The following FAM184B variants were observed in gnomAD, a reference collection of about 807,000 sequenced individuals.
The protein encoded by FAM184B is protein FAM184B.
A neutral mutation model predicts 135.9 loss-of-function variants in FAM184B; 111 were observed. The observed-to-expected ratio is 0.82, with a 90% CI of 0.70 to 0.96. The LOEUF is 0.96. Ranked by LOEUF, FAM184B falls within the 40% of genes least tolerant of loss-of-function variation. The pLI is 0.00. For missense variants in FAM184B, 1,375 were observed against 1,323.9 expected (o/e 1.04, Z -0.60); for synonymous variants, 552 against 524.8 (o/e 1.05, Z -0.71).
At chr4:17,637,109 C>G (rs1715166941) in intron 14 of FAM184B, among the ~76,000 whole-genome samples, 1 of 152,110 alleles carries the variant, frequency 6.6e-6, no homozygotes, top group Admixed American at 6.5e-5. Context: ...TCTCTGCAAC[C>G]TCCGCCTCCC....
chr4:17,763,862 C>T (rs1718598459), intron 1 of FAM184B, among the ~76,000 whole-genome samples: 1 of 152,156 alleles, frequency 6.6e-6, no homozygotes, highest in African/African-American at 2.4e-5. Flanking sequence ...ACCACCCTGG[C>T]AGGAAAGTGA....
At chr4:17,779,982 T>C (rs1013696770) in intron 1 of FAM184B, among the ~76,000 whole-genome samples, 1 of 152,240 alleles carries the variant, frequency 6.6e-6, no homozygotes, top group Admixed American at 6.5e-5. Flanking sequence ...GTACCAGCTA[T>C]ACATGTCAAG....
chr4:17,658,495 T>G lies in FAM184B; in HGVS notation c.1892A>C (p.Lys631Thr), dbSNP rs554174772. 6.4e-7 allele frequency: 1 copy of G among 1,551,548 alleles called. No individual in the cohort carries two copies. Among genetic ancestry groups the G allele is most frequent in the East Asian group, 2.4e-5 (1 of 40,900 alleles). Residue 631 changes from lysine (K) to threonine (T), a missense_variant, in exon 10 of 18, where the codon AAG becomes ACG. By Grantham distance (78) the Lys-to-Thr change is moderately conservative (BLOSUM62 -1). Transcript: ENST00000265018. ...CTCCCTCTCCAGGTCCGAGAGCTGC[T>G]TGAGTGCCTGCAGGTCCTCCCTGTA... ...SNYREDLQAL[K>T]QLSDLEREKL...
At chr4:17,765,788 C>T (rs989927851) in intron 1 of FAM184B, among the ~76,000 whole-genome samples, 5 of 152,186 alleles carry the variant, frequency 3.3e-5, no homozygotes, top group African/African-American at 1.2e-4. Context: ...TGTTACAGTA[C>T]TTAAAGGTGG....
At chr4:17,779,952 G>T (rs1242899759) in intron 1 of FAM184B, among the ~76,000 whole-genome samples, 4 of 152,192 alleles carry the variant, frequency 2.6e-5, no homozygotes, top group African/African-American at 9.7e-5. Context: ...CTATTTACAT[G>T]AATGTAGGTT....
At chr4:17,638,285 C>T (rs571398062) in intron 14 of FAM184B, among the ~76,000 whole-genome samples, 4 of 151,648 alleles carry the variant, frequency 2.6e-5, no homozygotes, top group Non-Finnish European at 5.9e-5. Context: ...ACCTCCTGAG[C>T]TCAGACGATC....
rs3733582 is a variant in FAM184B, at chr4:17,693,605, T to C, written c.1378-193A>G. Among the ~76,000 whole-genome samples the C allele has an allele frequency of 2.5e-3, 384 of 152,188 alleles. 6 individuals are homozygous for C. In the East Asian group the frequency reaches 0.048, roughly 19 times the overall value. On this transcript the variant is annotated intron_variant, in intron 5 of 17. Coordinates refer to ENST00000265018, the MANE Select transcript of FAM184B (RefSeq NM_015688.2). ...TAACGTCACAACACAAAGCCTGATA[T>C]ATATAGGGGTGGGGCGGGGCAAATT...
At chr4:17,666,577 G>A (rs11935124) in intron 7 of FAM184B, among the ~76,000 whole-genome samples, 46,092 of 140,850 alleles carry the variant, frequency 0.33, 7,699 homozygotes, top group South Asian at 0.39. Flanking sequence ...GCCCACCTCC[G>A]CCTCCCAAAG....
intron 7 of FAM184B, among the ~76,000 whole-genome samples, chr4:17,687,628 A>C (rs560631486): frequency 6.6e-6 from 1 of 152,296 alleles, no homozygotes; most frequent in South Asian, 2.1e-4. Context: ...TGGTGTCTTT[A>C]TAAGAAGGCT....
intron 1 of FAM184B, among the ~76,000 whole-genome samples, chr4:17,725,660 A>G (rs1443010245): frequency 6.6e-6 from 1 of 152,178 alleles, no homozygotes; most frequent in African/African-American, 2.4e-5. Context: ...TAATGGTGAC[A>G]GTCTCCCTTT....
intron 1 of FAM184B, among the ~76,000 whole-genome samples, chr4:17,775,197 T>A (rs991340299): frequency 3.1e-4 from 47 of 152,006 alleles, no homozygotes; most frequent in Admixed American, 1.6e-3. Flanking sequence ...AATTTAATTT[T>A]ATTTTTGAAA....
chr4:17,709,200 C>A lies in FAM184B; in HGVS notation c.586G>T (p.Val196Phe). The change falls in exon 2 of 18, where the codon GTC (valine) becomes TTC (phenylalanine). Residue 196 changes from valine to phenylalanine, a missense_variant. Physicochemically the swap from Val to Phe is conservative, Grantham distance 50 (BLOSUM62 -1). Transcript: ENST00000265018. ...EPGQGPEMQEVLLEVQRLRVE... is the reference protein window; with the variant it reads ...EPGQGPEMQEFLLEVQRLRVE... The stretch of plus-strand genomic sequence containing the variant: ...CGCAGCCGCTGCACCTCTAGCAGGA[C>A]CTCCTGCATCTCCGGGCCCTGGCCT... The A allele has an allele frequency of 6.5e-7, 1 of 1,548,142 alleles. No individual in the cohort carries two copies. Among genetic ancestry groups the A allele is most frequent in the Non-Finnish European group, 8.7e-7 (1 of 1,146,390 alleles).
rs527531010 is a variant in FAM184B at position 17,746,732 on chromosome 4, A to C, written c.141+34427T>G. ...AGGCGACAGAGCGAGACACGGTCTC[A>C]AAAAAAAAAAAAAGTAGATTCCTGG... On this transcript the variant is annotated intron_variant, in intron 1 of 17. Coordinates refer to ENST00000265018, the MANE Select transcript of FAM184B (RefSeq NM_015688.2). Among the ~76,000 whole-genome samples the C allele has an allele frequency of 8.0e-3, 1,006 of 126,084 alleles. 14 individuals carry two copies. The highest frequency in any genetic ancestry group is 0.034 in the African/African-American group (910 of 26,884). 82.7% of individuals were successfully genotyped at this position (126,084 alleles called of 152,430 possible). A position where few individuals can be genotyped will look rare whatever the true frequency, so the allele number is the denominator to read the frequency against.
chr4:17,692,254 A>T lies in FAM184B; in HGVS notation c.1488+1048T>A, dbSNP rs529501792. 1.3e-4 allele frequency among the ~76,000 whole-genome samples: 20 copies of T among 152,118 alleles called. 1 individual carries two copies. The East Asian group carries it at 3.7e-3, about 28-fold the overall frequency. On this transcript the variant is annotated intron_variant, in intron 6 of 17. Transcript: ENST00000265018. ...AGGAAGGGAGGACAGCAGGGAAGAA[A>T]GGAGGAAGGATAGAGAAAGGCTTCT...
In FAM184B at chr4:17,688,540, G is replaced by C; in HGVS notation, c.1489-9C>G. On this transcript the variant is annotated splice_polypyrimidine_tract_variant and intron_variant, in intron 6 of 17. Transcript: ENST00000265018. The stretch of plus-strand genomic sequence containing the variant: ...TCTTCCAGCCTTAAAACCTAAAACA[G>C]GAGATAAGAAACACCACACAATGAA... The C allele has an allele frequency of 1.3e-6, 2 of 1,540,370 alleles. No homozygotes were observed. Among genetic ancestry groups the C allele is most frequent in the Non-Finnish European group, 1.8e-6 (2 of 1,141,794 alleles).
intron 1 of FAM184B, among the ~76,000 whole-genome samples, chr4:17,748,117 A>AG (rs1159348363): frequency 2.7e-5 from 4 of 150,376 alleles, no homozygotes; most frequent in South Asian, 2.1e-4. Flanking sequence ...AAAAAAAAAA[A>AG]AAAAAAGAAA....
intron 1 of FAM184B, among the ~76,000 whole-genome samples, chr4:17,716,270 T>C (rs547002546): frequency 2.0e-4 from 30 of 152,242 alleles, no homozygotes; most frequent in African/African-American, 6.7e-4. Flanking sequence ...CTCTCTTTTC[T>C]CCACCCTCTC....
chr4:17,640,636 A>G (rs1400704888), intron 13 of FAM184B, among the ~76,000 whole-genome samples: 3 of 152,226 alleles, frequency 2.0e-5, no homozygotes. Flanking sequence ...GAGCAATTTT[A>G]TGATTGGCAT....
chr4:17,664,951 C>A (rs893004085), intron 7 of FAM184B, among the ~76,000 whole-genome samples: 1 of 152,144 alleles, frequency 6.6e-6, no homozygotes, highest in Non-Finnish European at 1.5e-5. Context: ...GGGGAAGTAA[C>A]CTGGCTAGGG....
Sources: gnomAD v4.1 joint callset for allele counts (sites outside exome capture counted in the v4.1 genomes callset) on GRCh38, gnomAD v4.1.1 for gene constraint, MANE v1.5 for transcripts, NCBI Gene and HGNC (gene_info 2026-07-23, HGNC 2026-07-21) for gene names.